Variants in PGBD5 observed in about 807,000 individuals in gnomAD.
The protein encoded by PGBD5 is piggyBac transposable element-derived protein 5.
In PGBD5, 14 loss-of-function variants were observed where a neutral mutation model predicts 47.9. That is an observed-to-expected ratio of 0.29 (90% confidence interval 0.19 to 0.46). The LOEUF is 0.46. Among genes scored for constraint, PGBD5 ranks in the 20% least tolerant of loss-of-function variants. The probability of loss-of-function intolerance (pLI) is 1.00; values close to 1 mark genes in which losing one functional copy is unlikely to be tolerated. For synonymous variants in PGBD5, 316 were observed against 306.3 expected (o/e 1.03, Z -0.33); for missense variants, 635 against 716.0 (o/e 0.89, Z 1.29).
intron 1 of PGBD5, among the ~76,000 whole-genome samples, chr1:230,375,246 T>G (rs1355859306): frequency 1.3e-5 from 2 of 152,196 alleles, no homozygotes; most frequent in Non-Finnish European, 2.9e-5. Context: ...GTCAAACACT[T>G]GTTTGTCCTT....
At chr1:230,335,048 CACACAG>C (rs1419969103) in intron 4 of PGBD5, among the ~76,000 whole-genome samples, 1 of 148,842 alleles carries the variant, frequency 6.7e-6, no homozygotes, top group African/African-American at 2.6e-5. Flanking sequence ...CACAGGTACA[CACACAG>C]ACACAAACAC....
Position 230,357,770 on chromosome 1 carries a change from A to G in PGBD5, c.332-449T>C, listed in dbSNP as rs1474313489. On this transcript the variant is annotated intron_variant, in intron 1 of 6. Coordinates refer to ENST00000391860, the MANE Select transcript of PGBD5 (RefSeq NM_001258311.2). This position sits in a 1 kb window ranked among gnomAD's most constrained non-coding sequence, Gnocchi z 5.7. Reference sequence around the variant, plus strand: ...CAAGCCGAGTCTTAACTAGAGATGTACACACACACATAAATGTATATGTTT... The same window carrying G: ...CAAGCCGAGTCTTAACTAGAGATGTGCACACACACATAAATGTATATGTTT... Among the ~76,000 whole-genome samples, 1 of 151,456 alleles carries G rather than the reference A, an allele frequency of 6.6e-6. No individual in the cohort carries two copies. The highest frequency in any genetic ancestry group is 2.5e-5 in the African/African-American group (1 of 40,744).
chr1:230,352,888 G>A lies in PGBD5; in HGVS notation c.760-1796C>T, dbSNP rs147944426. ...CTTTCCCTGCCCAATGATCCTTGCC[G>A]AAGACGTGCATCCTACTCTGTCCTC... On this transcript the variant is annotated intron_variant, in intron 2 of 6. Coordinates refer to ENST00000391860, the MANE Select transcript of PGBD5 (RefSeq NM_001258311.2). 4.7e-4 allele frequency among the ~76,000 whole-genome samples: 71 copies of A among 152,270 alleles called. 1 individual carries two copies. Among genetic ancestry groups the A allele is most frequent in the Non-Finnish European group, 8.1e-4 (55 of 68,012 alleles).
At chr1:230,415,548 T>C (rs547032654) in intron 1 of PGBD5, among the ~76,000 whole-genome samples, 95 of 152,364 alleles carry the variant, frequency 6.2e-4, no homozygotes, top group African/African-American at 2.3e-3. Context: ...ACTGGCTTCC[T>C]GTCTGCTGCC....
Position 230,401,921 on chromosome 1 carries a change from T to C in PGBD5, c.331+23677A>G, listed in dbSNP as rs557275220. On this transcript the variant is annotated intron_variant, in intron 1 of 6. Coordinates refer to ENST00000391860, the MANE Select transcript of PGBD5 (RefSeq NM_001258311.2). Reference sequence around the variant, plus strand: ...CAAGGAGAGGCAAGGCTGCTGGCCTTTGAGAGCTGACGGACTCTGATGAGC... The same window carrying C: ...CAAGGAGAGGCAAGGCTGCTGGCCTCTGAGAGCTGACGGACTCTGATGAGC... 7.9e-5 allele frequency among the ~76,000 whole-genome samples: 12 copies of C among 152,194 alleles called. No individual in the cohort carries two copies. The South Asian group carries it at 2.3e-3, about 29-fold the overall frequency.
chr1:230,347,128 G>A (rs947184844), intron 3 of PGBD5, among the ~76,000 whole-genome samples: 9 of 152,170 alleles, frequency 5.9e-5, no homozygotes, highest in African/African-American at 9.7e-5. Flanking sequence ...AGACTCCCAG[G>A]TGGTCAACAG....
At chr1:230,333,652 C>T (rs1667258206) in intron 4 of PGBD5, among the ~76,000 whole-genome samples, 1 of 152,178 alleles carries the variant, frequency 6.6e-6, no homozygotes, top group Non-Finnish European at 1.5e-5. Flanking sequence ...AGACGGAGCC[C>T]CCATCTCCTT....
At position 230,314,811 on chromosome 1, in the gene PGBD5, T is replaced by C. The variant is rs1203621836; in HGVS notation, c.*8614A>G. The C allele has an allele frequency of 1.3e-5, 2 of 152,262 alleles. No individual in the cohort carries two copies. The highest frequency in any genetic ancestry group is 3.9e-4 in the East Asian group (2 of 5,174). The allele number at this position is 152,262 out of a possible 1,614,324, so 9.4% of individuals were successfully genotyped here. A position where few individuals can be genotyped will look rare whatever the true frequency, so the allele number is the denominator to read the frequency against. On this transcript the variant is annotated 3_prime_UTR_variant, in exon 7 of 7. Transcript: ENST00000391860. The stretch of plus-strand genomic sequence containing the variant: ...AAAATTAAAAATTTTCTGTGAAAGA[T>C]TCTTAACTGGAAATTGGAAGGGAAA...
At chr1:230,340,521 T>C (rs1293928238) in intron 3 of PGBD5, among the ~76,000 whole-genome samples, 1 of 152,156 alleles carries the variant, frequency 6.6e-6, no homozygotes, top group East Asian at 1.9e-4. Flanking sequence ...GTATAAAAAG[T>C]ATTTATCAGA....
intron 3 of PGBD5, among the ~76,000 whole-genome samples, chr1:230,350,543 G>A (rs1463790396): frequency 1.3e-5 from 2 of 152,230 alleles, no homozygotes. Flanking sequence ...GGAGTGGGGA[G>A]GCCTTCTGGG....
intron 4 of PGBD5, among the ~76,000 whole-genome samples, chr1:230,333,493 C>T (rs1667256012): frequency 6.6e-6 from 1 of 152,208 alleles, no homozygotes; most frequent in South Asian, 2.1e-4. Flanking sequence ...CCCAGACTCA[C>T]AGCTGGGAGG....
At chr1:230,383,841 C>A (rs1656571134) in intron 1 of PGBD5, among the ~76,000 whole-genome samples, 1 of 152,222 alleles carries the variant, frequency 6.6e-6, no homozygotes, top group Non-Finnish European at 1.5e-5. Flanking sequence ...CAGCAAAAGT[C>A]ACACTGTGCT....
rs375677134 is a variant in PGBD5 at position 230,388,256 on chromosome 1, G to A, written c.332-30935C>T. 1.9e-4 allele frequency among the ~76,000 whole-genome samples: 29 copies of A among 152,230 alleles called. No homozygotes were observed. The South Asian group carries it at 5.8e-3, about 31-fold the overall frequency. On this transcript the variant is annotated intron_variant, in intron 1 of 6. Transcript: ENST00000391860. ...GCGGACACGCCTTGCCAGCTGAGGC[G>A]CATGGATTTCCCACAAGGCTGAGAG... is the stretch of plus-strand genomic sequence containing the variant.
At chr1:230,360,204 T>C (rs957062896) in intron 1 of PGBD5, among the ~76,000 whole-genome samples, 2 of 152,212 alleles carry the variant, frequency 1.3e-5, no homozygotes, top group African/African-American at 2.4e-5. Flanking sequence ...TGAATTCACA[T>C]GCAACCCCTG....
chr1:230,398,218 A>G (rs1005169149), intron 1 of PGBD5, among the ~76,000 whole-genome samples: 1 of 152,172 alleles, frequency 6.6e-6, no homozygotes, highest in East Asian at 1.9e-4. Flanking sequence ...CTAAGCAACC[A>G]TAACAAAGTA....
chr1:230,377,521 A>G (rs1343876581), intron 1 of PGBD5: 6 of 1,612,836 alleles, frequency 3.7e-6, no homozygotes, highest in Non-Finnish European at 5.1e-6. Flanking sequence ...GCTTGGCTGC[A>G]GATCCCGGCC....
chr1:230,394,562 T>C (rs1420172353), intron 1 of PGBD5, among the ~76,000 whole-genome samples: 1 of 134,950 alleles, frequency 7.4e-6, no homozygotes, highest in Admixed American at 7.2e-5. Flanking sequence ...CTCCATTCAT[T>C]GCCCACCCCC....
chr1:230,342,456 A>T lies in PGBD5; in HGVS notation c.895-5168T>A, dbSNP rs34745766. 5.4e-3 allele frequency among the ~76,000 whole-genome samples: 818 copies of T among 152,358 alleles called. 4 individuals are homozygous for T. The highest frequency in any genetic ancestry group is 8.5e-3 in the Non-Finnish European group (576 of 68,030). ...GAAGGTGAAAGTAATTCAGCTGTGG[A>T]AACAGCACAGCAGTGCACGATCTGC... On this transcript the variant is annotated intron_variant, in intron 3 of 6. Transcript: ENST00000391860.
chr1:230,384,226 G>A (rs929759914), intron 1 of PGBD5, among the ~76,000 whole-genome samples: 1 of 152,088 alleles, frequency 6.6e-6, no homozygotes, highest in African/African-American at 2.4e-5. Context: ...ACAACAAACA[G>A]GAGTAGTAAA....
Sources: gnomAD v4.1 joint callset for allele counts (sites outside exome capture counted in the v4.1 genomes callset) on GRCh38, gnomAD v4.1.1 for gene constraint, Gnocchi (gnomAD v3.1) non-coding constraint, MANE v1.5 for transcripts, NCBI Gene and HGNC (gene_info 2026-07-23, HGNC 2026-07-21) for gene names.